Variants in ANAPC10 observed in about 807,000 individuals in gnomAD.
The protein encoded by ANAPC10 is anaphase promoting complex subunit 10.
A neutral mutation model predicts 22.0 loss-of-function variants in ANAPC10; 12 were observed. The ratio of observed to expected loss-of-function variants is 0.55; its 90% CI spans 0.35 to 0.88. ANAPC10 has a LOEUF of 0.88. Ranked by LOEUF, ANAPC10 falls within the 40% of genes least tolerant of loss-of-function variation. ANAPC10 has a pLI of 0.01. For missense variants in ANAPC10, 188 were observed against 220.9 expected (o/e 0.85, Z 0.94); for synonymous variants, 65 against 69.5 (o/e 0.94, Z 0.32).
intron 4 of ANAPC10, among the ~76,000 whole-genome samples, chr4:144,996,751 G>C (rs1452636075): frequency 6.6e-6 from 1 of 152,190 alleles, no homozygotes; most frequent in Non-Finnish European, 1.5e-5. Flanking sequence ...CGAGTTGAGA[G>C]AAGAAGGCTT....
At position 145,032,837 on chromosome 4, in the gene ANAPC10, C is replaced by G. The variant is rs148701136; in HGVS notation, c.327+31735G>C. On this transcript the variant is annotated intron_variant, in intron 4 of 4. Coordinates refer to ENST00000507656, the MANE Select transcript of ANAPC10 (RefSeq NM_001256706.2). ...TATTGGACTTCTTCCATCATGGAAACGGCAGAGGTTTGTCTTCACTGGAAT... is the reference window on the plus strand; with the variant it reads ...TATTGGACTTCTTCCATCATGGAAAGGGCAGAGGTTTGTCTTCACTGGAAT... Among the ~76,000 whole-genome samples the G allele has an allele frequency of 8.5e-4, 130 of 152,332 alleles. 2 individuals are homozygous for G. The East Asian group carries it at 0.018, about 21-fold the overall frequency.
At chr4:145,062,882 A>T (rs1743115639) in intron 4 of ANAPC10, among the ~76,000 whole-genome samples, 1 of 152,184 alleles carries the variant, frequency 6.6e-6, no homozygotes, top group Admixed American at 6.5e-5. Flanking sequence ...ATGGAACTGG[A>T]GAACACTATT....
intron 4 of ANAPC10, among the ~76,000 whole-genome samples, chr4:145,005,649 G>A (rs1481959931): frequency 6.6e-6 from 1 of 151,858 alleles, no homozygotes; most frequent in African/African-American, 2.4e-5. Context: ...CAGAGATTCT[G>A]GTATATTTTA....
intron 4 of ANAPC10, among the ~76,000 whole-genome samples, chr4:145,004,169 C>A (rs1383748497): frequency 6.6e-6 from 1 of 151,940 alleles, no homozygotes; most frequent in African/African-American, 2.4e-5. Flanking sequence ...AGGTATGCTA[C>A]TGATTTTTGT....
intron 3 of ANAPC10, among the ~76,000 whole-genome samples, chr4:145,064,903 C>T (rs1743449766): frequency 6.6e-6 from 1 of 151,826 alleles, no homozygotes; most frequent in Admixed American, 6.6e-5. Context: ...GTTAATTATA[C>T]AGACACCTAT....
intron 4 of ANAPC10, among the ~76,000 whole-genome samples, chr4:145,054,818 G>A (rs1190227115): frequency 1.3e-5 from 2 of 151,866 alleles, no homozygotes; most frequent in Non-Finnish European, 2.9e-5. Context: ...CAAGTTTATT[G>A]TTCTTTCTCC....
At chr4:145,068,267 A>T (rs973877370) in intron 3 of ANAPC10, among the ~76,000 whole-genome samples, 6 of 152,210 alleles carry the variant, frequency 3.9e-5, no homozygotes, top group Non-Finnish European at 8.8e-5. Context: ...ACAGATGCAG[A>T]AACTGAGGTT....
intron 3 of ANAPC10, among the ~76,000 whole-genome samples, chr4:145,066,975 A>C (rs915405316): frequency 1.3e-5 from 2 of 152,172 alleles, no homozygotes; most frequent in Admixed American, 1.3e-4. Context: ...GTAGTTTTTT[A>C]AATTTTTTCT....
chr4:145,010,445 T>A (rs979468797), intron 4 of ANAPC10, among the ~76,000 whole-genome samples: 10 of 152,158 alleles, frequency 6.6e-5, no homozygotes, highest in Non-Finnish European at 2.9e-5. Flanking sequence ...GGTGATAGAC[T>A]GGATTAAGAA....
chr4:145,005,527 C>T (rs1457299271), intron 4 of ANAPC10, among the ~76,000 whole-genome samples: 1 of 151,908 alleles, frequency 6.6e-6, no homozygotes, highest in Admixed American at 6.6e-5. Context: ...GCTCTCGGTT[C>T]CCTAGTTCTT....
chr4:145,042,789 C>T (rs1245890783), intron 4 of ANAPC10, among the ~76,000 whole-genome samples: 1 of 151,872 alleles, frequency 6.6e-6, no homozygotes, highest in African/African-American at 2.4e-5. Context: ...ATACTGCAGA[C>T]AACCCAGCAG....
chr4:145,056,314 C>A (rs1352207853), intron 4 of ANAPC10, among the ~76,000 whole-genome samples: 1 of 152,168 alleles, frequency 6.6e-6, no homozygotes, highest in Non-Finnish European at 1.5e-5. Flanking sequence ...TGACAGTTTA[C>A]AAATGCCATG....
intron 4 of ANAPC10, among the ~76,000 whole-genome samples, chr4:145,000,122 C>A (rs1453935743): frequency 6.6e-6 from 1 of 152,172 alleles, no homozygotes; most frequent in Non-Finnish European, 1.5e-5. Context: ...CTAGGTAATA[C>A]CATTCAGGAC....
intron 3 of ANAPC10, among the ~76,000 whole-genome samples, chr4:145,071,247 A>C (rs1744444400): frequency 6.6e-6 from 1 of 152,126 alleles, no homozygotes; most frequent in African/African-American, 2.4e-5. Context: ...TCTCTATTAA[A>C]AATACAAAAT....
chr4:145,001,553 A>T (rs558598858), intron 4 of ANAPC10, among the ~76,000 whole-genome samples: 1 of 152,328 alleles, frequency 6.6e-6, no homozygotes, highest in East Asian at 1.9e-4. Flanking sequence ...ATACTGTAAG[A>T]TTAAATACTA....
chr4:145,020,905 C>G (rs984531294), intron 4 of ANAPC10, among the ~76,000 whole-genome samples: 1 of 151,652 alleles, frequency 6.6e-6, no homozygotes, highest in Non-Finnish European at 1.5e-5. Flanking sequence ...GGCAAAAGAC[C>G]TCTACAAGGA....
At chr4:145,016,650 T>C (rs1448067528) in intron 4 of ANAPC10, among the ~76,000 whole-genome samples, 3 of 151,860 alleles carry the variant, frequency 2.0e-5, no homozygotes, top group East Asian at 1.9e-4. Context: ...CAAAAGGGAG[T>C]CCACATTGCC....
chr4:145,071,476 A>C (rs1560909471), intron 3 of ANAPC10, among the ~76,000 whole-genome samples: 1 of 152,182 alleles, frequency 6.6e-6, no homozygotes, highest in African/African-American at 2.4e-5. Flanking sequence ...AATAAAAAAA[A>C]TCTTTACTGT....
At chr4:145,083,508 T>TAAATTTGG (rs1746404143) in intron 2 of ANAPC10, among the ~76,000 whole-genome samples, 1 of 152,182 alleles carries the variant, frequency 6.6e-6, no homozygotes, top group African/African-American at 2.4e-5. Flanking sequence ...CAAATTGTCC[T>TAAATTTGG]CTAAAACATT....
Sources: allele counts gnomAD v4.1 joint callset (sites outside exome capture counted in the v4.1 genomes callset), GRCh38; gene constraint gnomAD v4.1.1; transcripts MANE v1.5; gene names NCBI Gene and HGNC (gene_info 2026-07-23, HGNC 2026-07-21).